Variants in PTPRK observed in about 807,000 individuals in gnomAD.
The protein encoded by PTPRK is protein tyrosine phosphatase receptor type K.
PTPRK carries 75 observed loss-of-function variants against 178.0 expected under a neutral mutation model. The ratio of observed to expected loss-of-function variants is 0.42; its 90% CI spans 0.35 to 0.51. The LOEUF is 0.51. PTPRK is among the 20% of genes least tolerant of loss of function. The pLI is 0.02. For synonymous variants in PTPRK, 637 were observed against 620.6 expected (o/e 1.03, Z -0.39); for missense variants, 1,441 against 1,797.8 (o/e 0.80, Z 3.59).
At chr6:128,011,502 AC>A (rs1296862964) in intron 13 of PTPRK, among the ~76,000 whole-genome samples, 3 of 151,162 alleles carry the variant, frequency 2.0e-5, no homozygotes, top group Non-Finnish European at 3.0e-5. Flanking sequence ...GCTACATTTT[AC>A]AAAAATCTTC....
chr6:128,072,987 C>T (rs369286471), intron 11 of PTPRK, among the ~76,000 whole-genome samples: 2 of 152,058 alleles, frequency 1.3e-5, no homozygotes, highest in African/African-American at 4.8e-5. Context: ...CCTAGCATTG[C>T]TGTCTAATAT....
intron 1 of PTPRK, among the ~76,000 whole-genome samples, chr6:128,473,404 A>ATTTTTTTTT (rs67418131): frequency 9.9e-5 from 9 of 90,890 alleles, no homozygotes; most frequent in South Asian, 3.7e-4. Flanking sequence ...TATGGTTACT[A>ATTTTTTTTT]TTTTTTTTTT....
intron 8 of PTPRK, among the ~76,000 whole-genome samples, chr6:128,087,363 T>A (rs754653614): frequency 6.6e-6 from 1 of 152,110 alleles, no homozygotes; most frequent in Non-Finnish European, 1.5e-5. Flanking sequence ...GTGAATATAC[T>A]TTAATAACTG....
chr6:128,122,687 C>T (rs1427369772), intron 7 of PTPRK, among the ~76,000 whole-genome samples: 2 of 152,166 alleles, frequency 1.3e-5, no homozygotes, highest in African/African-American at 4.8e-5. Flanking sequence ...CTACTCAGTG[C>T]TTTGGTTTTA....
At chr6:128,210,506 G>A (rs17055441) in intron 6 of PTPRK, among the ~76,000 whole-genome samples, 12,708 of 151,730 alleles carry the variant, frequency 0.084, 1,116 homozygotes, top group East Asian at 0.34. Flanking sequence ...ATGTAAAAGC[G>A]TGCATCTATT....
At chr6:128,294,423 AT>A (rs950075034) in intron 3 of PTPRK, among the ~76,000 whole-genome samples, 3 of 152,016 alleles carry the variant, frequency 2.0e-5, no homozygotes, top group African/African-American at 7.2e-5. Flanking sequence ...GCTGTTTCAT[AT>A]CTATTTCTCT....
chr6:128,226,761 CAT>C (rs71028117), intron 5 of PTPRK, among the ~76,000 whole-genome samples: 11,876 of 109,100 alleles, frequency 0.11, 541 homozygotes, highest in Middle Eastern at 0.14. Context: ...ATTATATAGA[CAT>C]ATATATATAT....
intron 14 of PTPRK, 26 bp downstream of exon 14, chr6:128,009,104 T>C (rs9321104): frequency 0.9 from 1,423,447 of 1,581,570 alleles, 642,486 homozygotes; most frequent in East Asian, 0.99. Flanking sequence ...GGTAAGTGAG[T>C]GGGACAGGAC....
chr6:128,509,228 G>A (rs1330501457), intron 1 of PTPRK, among the ~76,000 whole-genome samples: 1 of 152,084 alleles, frequency 6.6e-6, no homozygotes. Flanking sequence ...CGGGCACCTT[G>A]GAATGTATCC....
chr6:127,986,022 ATAAT>A, intron 21 of PTPRK, 147 bp from the exon 22 acceptor site: 1 of 663,950 alleles, frequency 1.5e-6, no homozygotes, highest in Non-Finnish European at 2.3e-6. Context: ...AAAAAAAAAT[ATAAT>A]AAAATGAAGG....
chr6:128,391,486 A>T (rs911613676), intron 2 of PTPRK, among the ~76,000 whole-genome samples: 3 of 152,178 alleles, frequency 2.0e-5, no homozygotes, highest in African/African-American at 7.2e-5. Context: ...TTCATTGCCA[A>T]TACTACATGC....
chr6:128,030,138 C>A (rs1775065662), intron 13 of PTPRK, among the ~76,000 whole-genome samples: 1 of 152,106 alleles, frequency 6.6e-6, no homozygotes, highest in Admixed American at 6.5e-5. Flanking sequence ...GCTGATAGTG[C>A]TGGGAGATGG....
intron 3 of PTPRK, among the ~76,000 whole-genome samples, chr6:128,290,648 G>A (rs996081482): frequency 1.3e-5 from 2 of 151,954 alleles, no homozygotes; most frequent in African/African-American, 2.4e-5. Flanking sequence ...CTGCTTTAAA[G>A]GATTCTACAC....
At chr6:128,180,254 T>C (rs1366393109) in intron 7 of PTPRK, among the ~76,000 whole-genome samples, 1 of 151,998 alleles carries the variant, frequency 6.6e-6, no homozygotes, top group African/African-American at 2.4e-5. Flanking sequence ...AAACTGTATT[T>C]GCCTAGCTTC....
intron 1 of PTPRK, among the ~76,000 whole-genome samples, chr6:128,403,433 G>GTTT (rs1228097722): frequency 6.6e-6 from 1 of 152,152 alleles, no homozygotes; most frequent in Non-Finnish European, 1.5e-5. Flanking sequence ...ACAGCCTGGA[G>GTTT]TAATGGCTAA....
chr6:128,081,807 C>T (rs1784873012), intron 10 of PTPRK, among the ~76,000 whole-genome samples: 1 of 151,992 alleles, frequency 6.6e-6, no homozygotes, highest in African/African-American at 2.4e-5. Flanking sequence ...TCAGGTTTAA[C>T]TGATGATCTG....
At chr6:128,125,378 A>G (rs923937305) in intron 7 of PTPRK, among the ~76,000 whole-genome samples, 2 of 151,762 alleles carry the variant, frequency 1.3e-5, no homozygotes, top group African/African-American at 4.8e-5. Context: ...ATCTTCCCCC[A>G]TCCTGCTCCT....
At chr6:128,192,500 A>G (rs1002890342) in intron 6 of PTPRK, among the ~76,000 whole-genome samples, 1 of 152,042 alleles carries the variant, frequency 6.6e-6, no homozygotes, top group Non-Finnish European at 1.5e-5. Context: ...TGCCCCAAAG[A>G]AAAAAAGTTA....
intron 2 of PTPRK, among the ~76,000 whole-genome samples, chr6:128,349,036 C>T (rs931707479): frequency 2.6e-5 from 4 of 151,922 alleles, no homozygotes; most frequent in African/African-American, 7.2e-5. Context: ...CATAAGAAGG[C>T]AATTACCAGA....
Sources: allele counts gnomAD v4.1 joint callset (sites outside exome capture counted in the v4.1 genomes callset), GRCh38; gene constraint gnomAD v4.1.1; transcripts MANE v1.5; gene names NCBI Gene and HGNC (gene_info 2026-07-23, HGNC 2026-07-21).